Variants in RBM28 observed in about 807,000 individuals in gnomAD.
RBM28 encodes RNA-binding protein 28.
RBM28 carries 78 observed loss-of-function variants against 98.3 expected under a neutral mutation model. The observed-to-expected ratio is 0.79, with a 90% CI of 0.66 to 0.96. The LOEUF is 0.96. RBM28 is among the 40% of genes least tolerant of loss of function. RBM28 has a pLI of 0.00. For synonymous variants in RBM28, 306 were observed against 330.9 expected (o/e 0.92, Z 0.82); for missense variants, 838 against 913.0 (o/e 0.92, Z 1.06).
chr7:128,319,761 A>G (rs1002348769), intron 14 of RBM28, among the ~76,000 whole-genome samples: 4 of 152,184 alleles, frequency 2.6e-5, no homozygotes, highest in Non-Finnish European at 5.9e-5. Flanking sequence ...AGGCCAGGGT[A>G]ATAGTAACCA....
rs140202894 is a variant in RBM28, at chr7:128,332,210, T to A, written c.1019+1080A>T. Among the ~76,000 whole-genome samples the A allele has an allele frequency of 3.9e-5, 6 of 152,326 alleles. No individual in the cohort carries two copies. In the East Asian group the frequency reaches 1.2e-3, roughly 29 times the overall value. The stretch of plus-strand genomic sequence containing the variant: ...TGAGAAAATGGGCTTCAGTATAGCA[T>A]GTATAAATTCATCTCTGTGAATCTT... On this transcript the variant is annotated intron_variant, in intron 9 of 18. Transcript: ENST00000223073.
chr7:128,314,149 A>G (rs867634400), intron 17 of RBM28, among the ~76,000 whole-genome samples: 3 of 151,950 alleles, frequency 2.0e-5, no homozygotes, highest in South Asian at 2.1e-4. Flanking sequence ...TTTTTAGTAG[A>G]GACGGGGTTT....
intron 4 of RBM28, 115 bp downstream of exon 4, chr7:128,338,611 G>A: frequency 1.2e-6 from 1 of 825,500 alleles, no homozygotes; most frequent in Non-Finnish European, 2.1e-6. Context: ...ACCATTATTT[G>A]GGTTTTCATT....
At position 128,335,958 on chromosome 7, in the gene RBM28, T is replaced by C; in HGVS notation, c.698A>G (p.Asn233Ser). The C allele has an allele frequency of 1.2e-6, 2 of 1,608,220 alleles. No individual in the cohort carries two copies. Among genetic ancestry groups the C allele is most frequent in the Non-Finnish European group, 1.7e-6 (2 of 1,174,840 alleles). Residue 233 changes from asparagine to serine, a missense_variant, in exon 7 of 19, where the codon AAC becomes AGC. Transcript: ENST00000223073. Reference protein sequence around the residue: ...REEEDMEEEENDDDDDDDDEE... With the variant: ...REEEDMEEEESDDDDDDDDEE... ...ATCATCATCATCGTCATCATCATCG[T>C]TTTCTTCCTCTTCCATATCCTCTTC...
rs372854085 is a variant in RBM28 at position 128,338,340 on chromosome 7, C to T, written c.451G>A (p.Gly151Arg). ...LEVNIPRKPD[G>R]KMRGFGFVQF... ...ACAAAACCAAAACCGCGCATCTTCC[C>T]ATCTGTGTGCAAATGCACAAAGAAA... Residue 151 changes from glycine (G) to arginine (R), a missense_variant and splice_region_variant, in exon 5 of 19, where the codon GGG (glycine) becomes AGG (arginine). By Grantham distance (125) the Gly-to-Arg change is moderately radical. Transcript: ENST00000223073. 2 of 1,613,258 alleles carry T rather than the reference C, an allele frequency of 1.2e-6. No individual in the cohort carries two copies. The highest frequency in any genetic ancestry group is 2.7e-5 in the African/African-American group (2 of 74,884).
Position 128,339,726 on chromosome 7 carries a change from G to A in RBM28, c.184C>T (p.Leu62Phe). The change falls in exon 2 of 19, where the codon CTC (leucine) becomes TTC (phenylalanine). Residue 62 changes from leucine to phenylalanine, a missense_variant. By Grantham distance (22) the Leu-to-Phe change is conservative. Coordinates refer to ENST00000223073, the MANE Select transcript of RBM28 (RefSeq NM_018077.3). Reference protein sequence around the residue: ...FSMLEDVQRALKEITTFEGCK... With the variant: ...FSMLEDVQRAFKEITTFEGCK... Reference sequence around the variant, plus strand: ...CCTTCAAAGGTGGTAATCTCCTTGAGGGCCCTCTGAACATCTTCCAGCATT... The same window carrying A: ...CCTTCAAAGGTGGTAATCTCCTTGAAGGCCCTCTGAACATCTTCCAGCATT... 2 of 1,613,814 alleles carry A rather than the reference G, an allele frequency of 1.2e-6. No homozygotes were observed. Among genetic ancestry groups the A allele is most frequent in the Non-Finnish European group, 1.7e-6 (2 of 1,179,726 alleles).
chr7:128,323,682 G>A, intron 12 of RBM28, 91 bp from the exon 13 acceptor site: 1 of 1,450,638 alleles, frequency 6.9e-7, no homozygotes, highest in Non-Finnish European at 9.7e-7. Flanking sequence ...CAAACTCTTT[G>A]TACAGGGCCC....
intron 13 of RBM28, among the ~76,000 whole-genome samples, chr7:128,321,989 G>A (rs1363570836): frequency 6.6e-6 from 1 of 151,858 alleles, no homozygotes; most frequent in Non-Finnish European, 1.5e-5. Context: ...CGGAGGTTGT[G>A]GTGAGCCAGG....
At chr7:128,324,315 C>T (rs1433482219) in intron 12 of RBM28, among the ~76,000 whole-genome samples, 1 of 152,104 alleles carries the variant, frequency 6.6e-6, no homozygotes, top group Non-Finnish European at 1.5e-5. Context: ...CCTTGCCAAT[C>T]CTCTATTGAA....
intron 16 of RBM28, among the ~76,000 whole-genome samples, chr7:128,316,489 T>C (rs555258559): frequency 6.6e-6 from 1 of 152,266 alleles, no homozygotes; most frequent in East Asian, 1.9e-4. Context: ...GGCAGGTGGA[T>C]CACTTGAAGT....
Position 128,339,685 on chromosome 7 carries a change from C to CA in RBM28, c.224dup (p.Thr76AspfsTer18). ...TCCTCAGTTTTTTCTTGGCAACAGT[C>CA]ACGTTGATCTTGCAACCTTCAAAGG... is the stretch of plus-strand genomic sequence containing the variant. On this transcript the variant is annotated frameshift_variant, in exon 2 of 19. Coordinates refer to ENST00000223073, the MANE Select transcript of RBM28 (RefSeq NM_018077.3). LOFTEE classifies it high-confidence loss of function. The CA allele has an allele frequency of 1.2e-6, 2 of 1,614,068 alleles. No individual in the cohort carries two copies. The highest frequency in any genetic ancestry group is 8.5e-7 in the Non-Finnish European group (1 of 1,179,978).
Position 128,335,903 on chromosome 7 carries a change from A to C in RBM28, c.753T>G (p.Asp251Glu). The C allele has an allele frequency of 6.2e-7, 1 of 1,612,942 alleles. No individual in the cohort carries two copies. The highest frequency in any genetic ancestry group is 8.5e-7 in the Non-Finnish European group (1 of 1,179,106). ...TTGATTCTATATTCTCTTCCTCTTCATCTTCATCATCAAAAACCCCATCTT... is the reference window on the plus strand; with the variant it reads ...TTGATTCTATATTCTCTTCCTCTTCCTCTTCATCATCAAAAACCCCATCTT... ...DEEDGVFDDE[D>E]EEEENIESKV... Residue 251 changes from aspartate to glutamate, a missense_variant, in exon 7 of 19, where the codon GAT becomes GAG. Asp to Glu is a conservative substitution (Grantham distance 45, BLOSUM62 2). Transcript: ENST00000223073.
intron 10 of RBM28, 76 bp from the exon 11 acceptor site, chr7:128,325,967 A>C: frequency 8.7e-7 from 1 of 1,153,104 alleles, no homozygotes; most frequent in Non-Finnish European, 1.3e-6. Context: ...AAATGGCAAC[A>C]GCCTGACACA....
In RBM28 at chr7:128,338,346, T is replaced by C. The variant is rs770356452; in HGVS notation, c.449-4A>G. 1.2e-6 allele frequency: 2 copies of C among 1,612,482 alleles called. No individual in the cohort carries two copies. Among genetic ancestry groups the C allele is most frequent in the Non-Finnish European group, 1.7e-6 (2 of 1,178,512 alleles). ...CCAAAACCGCGCATCTTCCCATCTG[T>C]GTGCAAATGCACAAAGAAAGAAGTG... On this transcript the variant is annotated splice_region_variant and splice_polypyrimidine_tract_variant and intron_variant, in intron 4 of 18. Coordinates refer to ENST00000223073, the MANE Select transcript of RBM28 (RefSeq NM_018077.3).
In RBM28 at chr7:128,304,205, T is replaced by C. The variant is rs1398617076; in HGVS notation, c.*6592A>G. On this transcript the variant is annotated 3_prime_UTR_variant, in exon 19 of 19. Coordinates refer to ENST00000223073, the MANE Select transcript of RBM28 (RefSeq NM_018077.3). ...TAAATAAAATATACAATGCCATTTA[T>C]TGTAATTCTAGAAAAGTTTTTTACA... 1 of 152,230 alleles carries C rather than the reference T, an allele frequency of 6.6e-6. No individual in the cohort carries two copies. Among genetic ancestry groups the C allele is most frequent in the Non-Finnish European group, 1.5e-5 (1 of 68,044 alleles). The allele number at this position is 152,230 out of a possible 1,614,324, so 9.4% of individuals were successfully genotyped here. A position where few individuals can be genotyped will look rare whatever the true frequency, so the allele number is the denominator to read the frequency against.
intron 3 of RBM28, 74 bp from the exon 4 acceptor site, chr7:128,338,875 T>C (rs2116390744): frequency 7.8e-6 from 8 of 1,029,660 alleles, no homozygotes; most frequent in African/African-American, 1.6e-5. Context: ...AACTACTAAA[T>C]TCATTAATTA....
At chr7:128,319,499 T>C (rs1326678951) in intron 14 of RBM28, among the ~76,000 whole-genome samples, 1 of 152,216 alleles carries the variant, frequency 6.6e-6, no homozygotes, top group Non-Finnish European at 1.5e-5. Flanking sequence ...TGCTGATATA[T>C]TCACATTCTC....
intron 1 of RBM28, among the ~76,000 whole-genome samples, chr7:128,342,439 A>T (rs1007578331): frequency 6.6e-6 from 1 of 152,134 alleles, no homozygotes; most frequent in Non-Finnish European, 1.5e-5. Flanking sequence ...GGTCTATAAC[A>T]TCCTACATGA....
Position 128,308,043 on chromosome 7 carries a change from G to A in RBM28, c.*2754C>T, listed in dbSNP as rs1795900679. On this transcript the variant is annotated 3_prime_UTR_variant, in exon 19 of 19. Coordinates refer to ENST00000223073, the MANE Select transcript of RBM28 (RefSeq NM_018077.3). The stretch of plus-strand genomic sequence containing the variant: ...TCAGGCCCTGAAGTGAAGGAGAAGT[G>A]AGCACAACTCTCACTGCACTAAAAT... 1 of 152,186 alleles carries A rather than the reference G, an allele frequency of 6.6e-6. No homozygotes were observed. 9.4% of individuals were successfully genotyped at this position (152,186 alleles called of 1,614,324 possible). A position where few individuals can be genotyped will look rare whatever the true frequency, so the allele number is the denominator to read the frequency against.
Sources: allele counts gnomAD v4.1 joint callset (sites outside exome capture counted in the v4.1 genomes callset), GRCh38; gene constraint gnomAD v4.1.1; transcripts MANE v1.5; gene names NCBI Gene and HGNC (gene_info 2026-07-23, HGNC 2026-07-21).